Variants in OR2A5 observed in about 807,000 individuals in gnomAD.
The protein encoded by OR2A5 is olfactory receptor family 2 subfamily A member 5.
In OR2A5, 2 loss-of-function variants were observed where a neutral mutation model predicts 1.9. The observed-to-expected ratio is 1.04, with a 90% CI of 0.43 to 3.28. The LOEUF (loss-of-function observed/expected upper bound fraction) is 3.28, where lower values mean the gene tolerates loss of function less well. Among genes scored for constraint, OR2A5 ranks in the 30% most tolerant of loss-of-function variants. The pLI is 0.08. For missense variants in OR2A5, 391 were observed against 375.9 expected (o/e 1.04, Z -0.33); for synonymous variants, 160 against 154.5 (o/e 1.04, Z -0.26).
chr7:144,049,425 TAAG>T (rs1165914172), intron 1 of OR2A5, among the ~76,000 whole-genome samples: 3 of 152,302 alleles, frequency 2.0e-5, no homozygotes, highest in South Asian at 2.1e-4. Context: ...AGAGAAAATT[TAAG>T]AAGAGTCTGA....
In OR2A5 at chr7:144,050,740, C is replaced by G; in HGVS notation, c.339C>G (p.Leu113=). 1 of 1,614,212 alleles carries G rather than the reference C, an allele frequency of 6.2e-7. No homozygotes were observed. The highest frequency in any genetic ancestry group is 8.5e-7 in the Non-Finnish European group (1 of 1,180,018). ...LYMAFAHTEC[L]ILVMMSYDRY... ...TGGCTTTTGCTCACACTGAGTGTCT[C>G]ATCTTGGTAATGATGTCCTACGATC... The change falls in exon 2 of 2, where the codon CTC becomes CTG. Residue 113 remains leucine, a synonymous_variant. Coordinates refer to ENST00000641693, the MANE Select transcript of OR2A5 (RefSeq NM_012365.2).
At chr7:144,050,204 A>T in intron 1 of OR2A5, 147 bp from the exon 2 acceptor site, 1 of 479,570 alleles carries the variant, frequency 2.1e-6, no homozygotes. Context: ...AGTTCTCTGA[A>T]CCAAATTTAT....
intron 1 of OR2A5, among the ~76,000 whole-genome samples, chr7:144,049,529 C>T (rs932635250): frequency 6.6e-6 from 1 of 152,204 alleles, no homozygotes; most frequent in Non-Finnish European, 1.5e-5. Context: ...TCCATCAATT[C>T]ATCCAACAAG....
Position 144,051,390 on chromosome 7 carries a change from T to G in OR2A5, c.*53T>G, listed in dbSNP as rs1212350968. On this transcript the variant is annotated 3_prime_UTR_variant, in exon 2 of 2. Coordinates refer to ENST00000641693, the MANE Select transcript of OR2A5 (RefSeq NM_012365.2). ...GAAGATTTGCTCCCAATGAGATTTG[T>G]AGGAACAGTGGTGTAAATGCCTTAC... 4 of 1,402,442 alleles carry G rather than the reference T, an allele frequency of 2.9e-6. No individual in the cohort carries two copies. The highest frequency in any genetic ancestry group is 2.0e-6 in the Non-Finnish European group (2 of 1,019,570). The allele number at this position is 1,402,442 out of a possible 1,614,324, so 86.9% of individuals were successfully genotyped here. A position where few individuals can be genotyped will look rare whatever the true frequency, so the allele number is the denominator to read the frequency against.
chr7:144,049,500 T>TCATC (rs1323194300), intron 1 of OR2A5, among the ~76,000 whole-genome samples: 18 of 152,336 alleles, frequency 1.2e-4, no homozygotes, highest in Admixed American at 7.2e-4. Flanking sequence ...TGCCTTTCAT[T>TCATC]CGTCCATCCA....
At position 144,054,203 on chromosome 7, in the gene OR2A5, CT is replaced by C. The variant is rs2050923928; in HGVS notation, c.*2868del. 1 of 152,208 alleles carries C rather than the reference CT, an allele frequency of 6.6e-6. No homozygotes were observed. The highest frequency in any genetic ancestry group is 2.1e-4 in the South Asian group (1 of 4,832). 9.4% of individuals were successfully genotyped at this position (152,208 alleles called of 1,614,324 possible). A position where few individuals can be genotyped will look rare whatever the true frequency, so the allele number is the denominator to read the frequency against. On this transcript the variant is annotated 3_prime_UTR_variant, in exon 2 of 2. Transcript: ENST00000641693. ...GATTCACATCTCAATTGTGCTACAA[CT>C]TGCTAAATAGGTCTGCTTCTAGGAA...
Position 144,056,359 on chromosome 7 carries a change from A to G in OR2A5, c.*5022A>G, listed in dbSNP as rs1298465118. 2 of 152,214 alleles carry G rather than the reference A, an allele frequency of 1.3e-5. No individual in the cohort carries two copies. The highest frequency in any genetic ancestry group is 2.9e-5 in the Non-Finnish European group (2 of 68,060). The allele number at this position is 152,214 out of a possible 1,614,324, so 9.4% of individuals were successfully genotyped here. A position where few individuals can be genotyped will look rare whatever the true frequency, so the allele number is the denominator to read the frequency against. ...CCCACTCTGGGTGCTGGGATTCCCAATATACTCAGTCTCACTATAGGTACA... is the reference window on the plus strand; with the variant it reads ...CCCACTCTGGGTGCTGGGATTCCCAGTATACTCAGTCTCACTATAGGTACA... On this transcript the variant is annotated 3_prime_UTR_variant, in exon 2 of 2. Coordinates refer to ENST00000641693, the MANE Select transcript of OR2A5 (RefSeq NM_012365.2).
Position 144,054,408 on chromosome 7 carries a change from A to C in OR2A5, c.*3071A>C, listed in dbSNP as rs1563028097. The C allele has an allele frequency of 6.6e-6, 1 of 152,234 alleles. No homozygotes were observed. The highest frequency in any genetic ancestry group is 1.5e-5 in the Non-Finnish European group (1 of 68,038). The allele number at this position is 152,234 out of a possible 1,614,324, so 9.4% of individuals were successfully genotyped here. On this transcript the variant is annotated 3_prime_UTR_variant, in exon 2 of 2. Transcript: ENST00000641693. ...GACAATGAAAATGAAAAATGATTAC[A>C]TAGTAAGACTAAGAGCTGGTAAAAT...
chr7:144,050,888 A>G lies in OR2A5; in HGVS notation c.487A>G (p.Ile163Val). Residue 163 changes from isoleucine (I) to valine (V), a missense_variant, in exon 2 of 2, where the codon ATC becomes GTC. Coordinates refer to ENST00000641693, the MANE Select transcript of OR2A5 (RefSeq NM_012365.2). ...SLLALVHVVL[I>V]LRLPFCGPHE... Reference sequence around the variant, plus strand: ...TCTGGCCCTGGTCCATGTGGTTCTCATCCTGAGGCTGCCCTTCTGTGGGCC... The same window carrying G: ...TCTGGCCCTGGTCCATGTGGTTCTCGTCCTGAGGCTGCCCTTCTGTGGGCC... 6.2e-7 allele frequency: 1 copy of G among 1,614,064 alleles called. No homozygotes were observed. Among genetic ancestry groups the G allele is most frequent in the African/African-American group, 1.3e-5 (1 of 75,002 alleles).
Position 144,054,752 on chromosome 7 carries a change from A to G in OR2A5, c.*3415A>G, listed in dbSNP as rs554256216. ...CTTCAATTCGAAAAGGATTCTTGAG[A>G]TAGCATCCAGATAGGAAATATATAC... On this transcript the variant is annotated 3_prime_UTR_variant, in exon 2 of 2. Transcript: ENST00000641693. 1 of 152,244 alleles carries G rather than the reference A, an allele frequency of 6.6e-6. No homozygotes were observed. Among genetic ancestry groups the G allele is most frequent in the Non-Finnish European group, 1.5e-5 (1 of 68,046 alleles). 9.4% of individuals were successfully genotyped at this position (152,244 alleles called of 1,614,324 possible).
intron 1 of OR2A5, among the ~76,000 whole-genome samples, chr7:144,049,986 A>G (rs2050888758): frequency 6.6e-6 from 1 of 152,230 alleles, no homozygotes; most frequent in Non-Finnish European, 1.5e-5. Flanking sequence ...AAAGTGGGGG[A>G]AAATATGCAA....
chr7:144,051,145 G>A lies in OR2A5; in HGVS notation c.744G>A (p.Val248=), dbSNP rs375832918. The A allele has an allele frequency of 6.2e-7, 1 of 1,614,202 alleles. No individual in the cohort carries two copies. Among genetic ancestry groups the A allele is most frequent in the South Asian group, 1.1e-5 (1 of 91,076 alleles). Residue 248 remains valine, a synonymous_variant, in exon 2 of 2, where the codon GTG becomes GTA. Transcript: ENST00000641693. ...CCTGCTCCTCCCACCTTTGCATGGT[G>A]GGACTCTTCTTTGGCAGCGCCATTG... ...FSTCSSHLCM[V]GLFFGSAIVM...
Position 144,056,820 on chromosome 7 carries a change from T to TTTG in OR2A5, c.*5485_*5486insGTT, listed in dbSNP as rs2050943046. The TTTG allele has an allele frequency of 6.9e-6, 1 of 145,284 alleles. No individual in the cohort carries two copies. Among genetic ancestry groups the TTTG allele is most frequent in the African/African-American group, 2.6e-5 (1 of 38,586 alleles). The allele number at this position is 145,284 out of a possible 1,614,324, so 9.0% of individuals were successfully genotyped here. On this transcript the variant is annotated 3_prime_UTR_variant, in exon 2 of 2. Coordinates refer to ENST00000641693, the MANE Select transcript of OR2A5 (RefSeq NM_012365.2). ...AATAAGGACTAACTCTTGTTTTTTT[T>TTTG]TTTTTTTTTTTTGAGACGGAGTCTC...
Position 144,058,658 on chromosome 7 carries a change from T to C in OR2A5, c.*7321T>C, listed in dbSNP as rs1166922667. 1 of 152,384 alleles carries C rather than the reference T, an allele frequency of 6.6e-6. No homozygotes were observed. Among genetic ancestry groups the C allele is most frequent in the Non-Finnish European group, 1.5e-5 (1 of 68,210 alleles). The allele number at this position is 152,384 out of a possible 1,614,324, so 9.4% of individuals were successfully genotyped here. On this transcript the variant is annotated 3_prime_UTR_variant, in exon 2 of 2. Transcript: ENST00000641693. ...ACTCACACCTGTAATCCCAGCACTTTGGGAGGCCGAGGTGGGTGGATCGCG... is the reference window on the plus strand; with the variant it reads ...ACTCACACCTGTAATCCCAGCACTTCGGGAGGCCGAGGTGGGTGGATCGCG...
At position 144,054,603 on chromosome 7, in the gene OR2A5, T is replaced by G. The variant is rs2128797689; in HGVS notation, c.*3266T>G. On this transcript the variant is annotated 3_prime_UTR_variant, in exon 2 of 2. Coordinates refer to ENST00000641693, the MANE Select transcript of OR2A5 (RefSeq NM_012365.2). ...ATTTGGTTGGTGATATTGGGGAAGG[T>G]CTCCACCAAAGGAGGTTGAAGGTTA... 1 of 152,246 alleles carries G rather than the reference T, an allele frequency of 6.6e-6. No individual in the cohort carries two copies. Among genetic ancestry groups the G allele is most frequent in the Non-Finnish European group, 1.5e-5 (1 of 68,012 alleles). The allele number at this position is 152,246 out of a possible 1,614,324, so 9.4% of individuals were successfully genotyped here.
In OR2A5 at chr7:144,051,542, T is replaced by G. The variant is rs2050906960; in HGVS notation, c.*205T>G. ...GCTGAGCCGTGTGGTGCAGCAGAGG[T>G]GCAAAGTGCCATGAACTCCTACTCC... is the stretch of plus-strand genomic sequence containing the variant. On this transcript the variant is annotated 3_prime_UTR_variant, in exon 2 of 2. Coordinates refer to ENST00000641693, the MANE Select transcript of OR2A5 (RefSeq NM_012365.2). The G allele has an allele frequency of 1.9e-6, 1 of 537,250 alleles. No homozygotes were observed. The highest frequency in any genetic ancestry group is 2.8e-5 in the South Asian group (1 of 35,938). The allele number at this position is 537,250 out of a possible 1,614,324, so 33.3% of individuals were successfully genotyped here. A position where few individuals can be genotyped will look rare whatever the true frequency, so the allele number is the denominator to read the frequency against.
At position 144,053,987 on chromosome 7, in the gene OR2A5, CTTCT is replaced by C. The variant is rs929092431; in HGVS notation, c.*2655_*2658del. Reference sequence around the variant, plus strand: ...TGATCATCTTACCTATGATTCTGGTCTTCTTTCTATCATTAGGTGTACCCACCTG... The same window carrying C: ...TGATCATCTTACCTATGATTCTGGTCTTCTATCATTAGGTGTACCCACCTG... On this transcript the variant is annotated 3_prime_UTR_variant, in exon 2 of 2. Coordinates refer to ENST00000641693, the MANE Select transcript of OR2A5 (RefSeq NM_012365.2). 2 of 152,238 alleles carry C rather than the reference CTTCT, an allele frequency of 1.3e-5. No individual in the cohort carries two copies. Among genetic ancestry groups the C allele is most frequent in the Non-Finnish European group, 2.9e-5 (2 of 68,068 alleles). 9.4% of individuals were successfully genotyped at this position (152,238 alleles called of 1,614,324 possible).
rs1298998767 is a variant in OR2A5, at chr7:144,050,980, G to C, written c.579G>C (p.Trp193Cys). The C allele has an allele frequency of 6.2e-7, 1 of 1,614,176 alleles. No individual in the cohort carries two copies. Among genetic ancestry groups the C allele is most frequent in the Non-Finnish European group, 8.5e-7 (1 of 1,180,030 alleles). ...SVLKLACADT[W>C]LNQVVIFAAS... is the part of the protein sequence containing the mutation. ...TCAAGTTGGCCTGTGCTGACACCTG[G>C]CTCAACCAGGTGGTCATCTTTGCTG... Residue 193 changes from tryptophan to cysteine, a missense_variant, in exon 2 of 2, where the codon TGG (tryptophan) becomes TGC (cysteine). Transcript: ENST00000641693.
rs2050916868 is a variant in OR2A5 at position 144,053,060 on chromosome 7, GA to G, written c.*1725del. 6.6e-6 allele frequency: 1 copy of G among 152,046 alleles called. No homozygotes were observed. The highest frequency in any genetic ancestry group is 2.1e-4 in the South Asian group (1 of 4,818). 9.4% of individuals were successfully genotyped at this position (152,046 alleles called of 1,614,324 possible). On this transcript the variant is annotated 3_prime_UTR_variant, in exon 2 of 2. Transcript: ENST00000641693. ...AACATAAGCAATAGATTTGGATTCA[GA>G]ATTTTTTTACCTAGGGTACAGTGGA... is the stretch of plus-strand genomic sequence containing the variant.
Sources: gnomAD v4.1 joint callset for allele counts (sites outside exome capture counted in the v4.1 genomes callset) on GRCh38, gnomAD v4.1.1 for gene constraint, MANE v1.5 for transcripts, NCBI Gene and HGNC (gene_info 2026-07-23, HGNC 2026-07-21) for gene names.